P2RX3: variants seen among roughly 807,000 people sequenced by gnomAD.
P2RX3 encodes the protein purinergic receptor P2X 3, also known as P2X purinoceptor 3.
In P2RX3, 41 loss-of-function variants were observed where a neutral mutation model predicts 51.5. The observed-to-expected ratio is 0.80, with a 90% CI of 0.62 to 1.03. The LOEUF (loss-of-function observed/expected upper bound fraction) is 1.03, where lower values mean the gene tolerates loss of function less well. Ranked by LOEUF, P2RX3 falls within the 50% of genes least tolerant of loss-of-function variation. The pLI is 0.00. For missense variants in P2RX3, 459 were observed against 522.1 expected (o/e 0.88, Z 1.18); for synonymous variants, 185 against 191.6 (o/e 0.97, Z 0.29).
chr11:57,345,092 G>A (rs956032232), intron 1 of P2RX3, among the ~76,000 whole-genome samples: 2 of 152,212 alleles, frequency 1.3e-5, no homozygotes, highest in African/African-American at 4.8e-5. Context: ...AGGCGGTTCT[G>A]GGATTGAAGT....
chr11:57,338,864 C>A (rs11602152), intron 1 of P2RX3, among the ~76,000 whole-genome samples, 195 bp downstream of exon 1: 3 of 152,212 alleles, frequency 2.0e-5, no homozygotes, highest in Non-Finnish European at 2.9e-5. Flanking sequence ...CAGGTGAATT[C>A]TTTTCCCAGT....
chr11:57,346,803 A>G (rs1385311473), intron 2 of P2RX3, 124 bp downstream of exon 2: 3 of 1,364,366 alleles, frequency 2.2e-6, no homozygotes, highest in Non-Finnish European at 3.0e-6. Flanking sequence ...ACTGATCCAG[A>G]GGACCTCTCC....
intron 8 of P2RX3, among the ~76,000 whole-genome samples, chr11:57,353,583 A>AG (rs1157749368): frequency 6.6e-6 from 1 of 152,212 alleles, no homozygotes; most frequent in Non-Finnish European, 1.5e-5. Flanking sequence ...AGTTCCAAGG[A>AG]GATTTCAAGA....
intron 9 of P2RX3, 41 bp from the exon 10 acceptor site, chr11:57,368,331 A>G (rs377643495): frequency 4.7e-5 from 75 of 1,608,870 alleles, no homozygotes; most frequent in Middle Eastern, 1.6e-4. Flanking sequence ...CCCCCATCCC[A>G]TGGGCCCTCT....
intron 1 of P2RX3, among the ~76,000 whole-genome samples, chr11:57,341,869 C>T (rs541252962): frequency 1.3e-5 from 2 of 152,278 alleles, no homozygotes; most frequent in South Asian, 2.1e-4. Context: ...CTCCCCCATA[C>T]AAGACCCAGT....
At chr11:57,351,204 A>G (rs1856542500) in intron 8 of P2RX3, among the ~76,000 whole-genome samples, 1 of 152,184 alleles carries the variant, frequency 6.6e-6, no homozygotes, top group Non-Finnish European at 1.5e-5. Context: ...CCTGTTCCTA[A>G]CACTGGCCTG....
rs765573336 is a variant in P2RX3 at position 57,348,658 on chromosome 11, A to G, written c.517A>G (p.Ile173Val). 2 of 1,613,766 alleles carry G rather than the reference A, an allele frequency of 1.2e-6. No individual in the cohort carries two copies. The highest frequency in any genetic ancestry group is 1.7e-6 in the Non-Finnish European group (2 of 1,179,928). Residue 173 changes from isoleucine (I) to valine (V), a missense_variant, in exon 6 of 12, where the codon ATT becomes GTT. Ile to Val is a conservative substitution (Grantham distance 29, BLOSUM62 3). Transcript: ENST00000263314. The part of the protein sequence containing the change: ...PIMMEAENFT[I>V]FIKNSIRFPL... ...CATGATGGAAGCTGAGAACTTCACT[A>G]TTTTCATCAAGAACAGCATCCGTTT...
intron 8 of P2RX3, among the ~76,000 whole-genome samples, chr11:57,356,961 T>C (rs1268527759): frequency 6.6e-6 from 1 of 152,210 alleles, no homozygotes; most frequent in African/African-American, 2.4e-5. Flanking sequence ...CATTGAACAC[T>C]TACCAGTGAG....
chr11:57,368,825 A>G (rs1856837284), intron 10 of P2RX3, among the ~76,000 whole-genome samples: 1 of 151,560 alleles, frequency 6.6e-6, no homozygotes, highest in Non-Finnish European at 1.5e-5. Flanking sequence ...CCACCCTTCC[A>G]CCCCACGCAG....
chr11:57,356,036 A>G (rs760773438), intron 8 of P2RX3, among the ~76,000 whole-genome samples: 34 of 152,302 alleles, frequency 2.2e-4, no homozygotes, highest in Non-Finnish European at 4.7e-4. Context: ...AAAATAAATA[A>G]TAAATGAAAG....
intron 8 of P2RX3, among the ~76,000 whole-genome samples, chr11:57,364,046 C>T (rs1856760519): frequency 6.6e-6 from 1 of 152,198 alleles, no homozygotes; most frequent in South Asian, 2.1e-4. Flanking sequence ...GCCCAGGATA[C>T]GACTTTTTGT....
At chr11:57,339,922 G>A (rs1381614853) in intron 1 of P2RX3, among the ~76,000 whole-genome samples, 1 of 152,184 alleles carries the variant, frequency 6.6e-6, no homozygotes, top group African/African-American at 2.4e-5. Flanking sequence ...AGGCTTCAGT[G>A]GGCAGGTATT....
At chr11:57,349,667 C>T in intron 6 of P2RX3, 90 bp from the exon 7 acceptor site, 1 of 1,537,438 alleles carries the variant, frequency 6.5e-7, no homozygotes, top group Non-Finnish European at 8.9e-7. Context: ...CAGATCCCCC[C>T]TAGGCCTGGG....
chr11:57,360,514 G>A (rs1185005730), intron 8 of P2RX3, among the ~76,000 whole-genome samples: 1 of 152,122 alleles, frequency 6.6e-6, no homozygotes, highest in Non-Finnish European at 1.5e-5. Flanking sequence ...GAGATATGAG[G>A]CCAGGCGCGG....
intron 8 of P2RX3, among the ~76,000 whole-genome samples, chr11:57,356,569 C>T (rs1856635001): frequency 6.6e-6 from 1 of 152,192 alleles, no homozygotes; most frequent in Non-Finnish European, 1.5e-5. Context: ...TCATGAAGCT[C>T]GGAGATTTGG....
At chr11:57,367,644 C>T (rs1253046876) in intron 8 of P2RX3, among the ~76,000 whole-genome samples, 1 of 152,116 alleles carries the variant, frequency 6.6e-6, no homozygotes, top group Non-Finnish European at 1.5e-5. Context: ...TCACTTGAAC[C>T]CAGAAGGCAG....
chr11:57,354,136 G>C (rs1047188593), intron 8 of P2RX3, among the ~76,000 whole-genome samples: 6 of 152,100 alleles, frequency 3.9e-5, no homozygotes, highest in African/African-American at 9.7e-5. Context: ...AAAGTGGCCT[G>C]CTCCATTCAT....
chr11:57,348,995 A>C (rs1012968504), intron 6 of P2RX3, among the ~76,000 whole-genome samples: 1 of 152,200 alleles, frequency 6.6e-6, no homozygotes, highest in Non-Finnish European at 1.5e-5. Context: ...TGGGTCAAGG[A>C]TGCCTTCAAC....
intron 8 of P2RX3, among the ~76,000 whole-genome samples, chr11:57,357,339 A>C (rs1249976135): frequency 6.6e-6 from 1 of 152,116 alleles, no homozygotes; most frequent in Non-Finnish European, 1.5e-5. Context: ...AAGATATAAC[A>C]ACTCAAGAGA....
Sources: gnomAD v4.1 joint callset for allele counts (sites outside exome capture counted in the v4.1 genomes callset) on GRCh38, gnomAD v4.1.1 for gene constraint, MANE v1.5 for transcripts, NCBI Gene and HGNC (gene_info 2026-07-23, HGNC 2026-07-21) for gene names.